The following FAM227B variants were observed in gnomAD, a reference collection of about 807,000 sequenced individuals.
The protein encoded by FAM227B is protein FAM227B.
Under a neutral mutation model 73.8 loss-of-function variants are expected in FAM227B, and 88 were observed. That is an observed-to-expected ratio of 1.19 (90% CI 1.00 to 1.42). The LOEUF (loss-of-function observed/expected upper bound fraction) is 1.42. FAM227B is among the 40% of genes most tolerant of loss of function. The pLI is 0.00. For missense variants in FAM227B, 632 were observed against 590.9 expected, an observed-to-expected ratio of 1.07 and a Z score of -0.72; for synonymous variants, 210 against 190.5, an observed-to-expected ratio of 1.10 and a Z score of -0.84.
Position 49,546,739 on chromosome 15 carries a change from A to G in FAM227B, c.748-4933T>C, listed in dbSNP as rs529551325. On this transcript the variant is annotated intron_variant, in intron 9 of 15. Coordinates refer to ENST00000299338, the MANE Select transcript of FAM227B (RefSeq NM_152647.3). ...GATGAGCAGAGAAGTTTAGAGGAAA[A>G]AGAATAAAAAGAAATAAAGCCTCCA... 3.8e-5 allele frequency among the ~76,000 whole-genome samples: 3 copies of G among 78,446 alleles called. No homozygotes were observed. The East Asian group carries it at 3.5e-3, about 91-fold the overall frequency. 51.5% of individuals were successfully genotyped at this position (78,446 alleles called of 152,430 possible). A position where few individuals can be genotyped will look rare whatever the true frequency, so the allele number is the denominator to read the frequency against.
intron 11 of FAM227B, among the ~76,000 whole-genome samples, chr15:49,501,377 A>G (rs1368397442): frequency 6.6e-6 from 1 of 152,232 alleles, no homozygotes; most frequent in Non-Finnish European, 1.5e-5. Context: ...AACTGGAGCA[A>G]AGGTCATCTG....
At position 49,364,852 on chromosome 15, in the gene FAM227B, A is replaced by AT. The variant is rs555116055; in HGVS notation, c.1271+2595dup. Among the ~76,000 whole-genome samples the AT allele has an allele frequency of 1.3e-3, 199 of 148,436 alleles. No homozygotes were observed. In the South Asian group the frequency reaches 0.016, roughly 12 times the overall value. ...AAAAAGCATAGGGATGGGTCAAGGCATTTTTTTTTTTAAGAAAAATATACT... is the reference window on the plus strand; with the variant it reads ...AAAAAGCATAGGGATGGGTCAAGGCATTTTTTTTTTTTAAGAAAAATATACT... On this transcript the variant is annotated intron_variant, in intron 13 of 15. Coordinates refer to ENST00000299338, the MANE Select transcript of FAM227B (RefSeq NM_152647.3).
At chr15:49,619,249 G>A (rs2078498516) in intron 1 of FAM227B, among the ~76,000 whole-genome samples, 1 of 152,090 alleles carries the variant, frequency 6.6e-6, no homozygotes, top group Admixed American at 6.6e-5. Flanking sequence ...TTTAAAACAT[G>A]GACAAGAAAT....
intron 8 of FAM227B, among the ~76,000 whole-genome samples, chr15:49,574,418 C>T (rs1030348607): frequency 1.3e-5 from 2 of 152,062 alleles, no homozygotes; most frequent in African/African-American, 2.4e-5. Flanking sequence ...ACGATGTTCT[C>T]GTAATAGTCA....
intron 11 of FAM227B, chr15:49,483,116 G>A (rs372450880): frequency 1.6e-5 from 19 of 1,163,168 alleles, no homozygotes; most frequent in African/African-American, 7.5e-5. Flanking sequence ...AAAACTGAAC[G>A]AATATTTGAC....
chr15:49,327,952 G>A lies in FAM227B; in HGVS notation c.*616C>T. The A allele has an allele frequency of 6.2e-7, 1 of 1,606,154 alleles. No homozygotes were observed. The highest frequency in any genetic ancestry group is 1.7e-5 in the Admixed American group (1 of 59,274). ...AATATTTTTTTCCTCACTGTTTTAG[G>A]AAGTTTGGGGCTCAAGGGTCACGAC... is the stretch of plus-strand genomic sequence containing the variant. On this transcript the variant is annotated 3_prime_UTR_variant, in exon 16 of 16. Coordinates refer to ENST00000299338, the MANE Select transcript of FAM227B (RefSeq NM_152647.3).
At chr15:49,585,758 T>G (rs10163097) in intron 5 of FAM227B, among the ~76,000 whole-genome samples, 9,460 of 152,154 alleles carry the variant, frequency 0.062, 1,041 homozygotes, top group African/African-American at 0.22. Flanking sequence ...CGAGTTAATG[T>G]GTGCAACACA....
At chr15:49,547,596 A>C (rs920870948) in intron 9 of FAM227B, among the ~76,000 whole-genome samples, 2 of 152,236 alleles carry the variant, frequency 1.3e-5, no homozygotes, top group East Asian at 1.9e-4. Flanking sequence ...TCTACCAAGC[A>C]AATGGAAAAC....
chr15:49,396,680 TCCCTGAC>T (rs1289529337), intron 11 of FAM227B, among the ~76,000 whole-genome samples: 5 of 151,270 alleles, frequency 3.3e-5, no homozygotes, highest in Admixed American at 1.3e-4. Flanking sequence ...CTCAAGTGGG[TCCCTGAC>T]CCCTGACCCC....
intron 11 of FAM227B, among the ~76,000 whole-genome samples, chr15:49,407,427 CTT>C (rs1285041189): frequency 2.6e-5 from 4 of 152,050 alleles, no homozygotes; most frequent in Non-Finnish European, 5.9e-5. Flanking sequence ...TGTGACCACA[CTT>C]GGTGCCTTCC....
chr15:49,530,545 T>C (rs2060531601), intron 10 of FAM227B, among the ~76,000 whole-genome samples: 2 of 151,952 alleles, frequency 1.3e-5, no homozygotes, highest in South Asian at 2.1e-4. Context: ...AAAGTTAACA[T>C]TTTTTGAGAT....
At chr15:49,564,100 C>A (rs2074458196) in intron 9 of FAM227B, among the ~76,000 whole-genome samples, 2 of 152,022 alleles carry the variant, frequency 1.3e-5, no homozygotes, top group Admixed American at 1.3e-4. Context: ...CCAACAAAGG[C>A]CCAATATCCA....
chr15:49,443,163 T>G (rs900707245), intron 11 of FAM227B, among the ~76,000 whole-genome samples: 1 of 151,730 alleles, frequency 6.6e-6, no homozygotes, highest in East Asian at 1.9e-4. Flanking sequence ...TTCAAAAATT[T>G]TGTTAACTTA....
At chr15:49,455,204 C>T (rs1162234996) in intron 11 of FAM227B, among the ~76,000 whole-genome samples, 1 of 152,148 alleles carries the variant, frequency 6.6e-6, no homozygotes, top group Non-Finnish European at 1.5e-5. Flanking sequence ...TGGTGATATT[C>T]CTGTTCACCT....
intron 13 of FAM227B, among the ~76,000 whole-genome samples, chr15:49,364,010 C>T (rs1358602663): frequency 2.6e-5 from 4 of 151,940 alleles, no homozygotes; most frequent in African/African-American, 7.2e-5. Context: ...TGCTGGATTC[C>T]GTTCGCTAGT....
chr15:49,385,187 CCA>C (rs2046803030), intron 11 of FAM227B, among the ~76,000 whole-genome samples: 1 of 151,844 alleles, frequency 6.6e-6, no homozygotes. Flanking sequence ...GGATCTAACT[CCA>C]TCTTGACCAA....
intron 13 of FAM227B, among the ~76,000 whole-genome samples, chr15:49,355,667 C>A (rs1596462721): frequency 6.6e-6 from 1 of 151,978 alleles, no homozygotes; most frequent in East Asian, 1.9e-4. Flanking sequence ...AAACACTCTG[C>A]AGGATATTAT....
intron 11 of FAM227B, among the ~76,000 whole-genome samples, chr15:49,406,320 C>T (rs1032404909): frequency 1.3e-5 from 2 of 152,114 alleles, no homozygotes; most frequent in Non-Finnish European, 2.9e-5. Flanking sequence ...TTCCTGTTTT[C>T]ATATGGGCAT....
intron 5 of FAM227B, among the ~76,000 whole-genome samples, chr15:49,582,378 G>C (rs565426173): frequency 1.3e-5 from 2 of 152,004 alleles, no homozygotes; most frequent in Non-Finnish European, 2.9e-5. Flanking sequence ...AATCAAAAAA[G>C]ACAAGGGAAT....
Sources: gnomAD v4.1 joint callset for allele counts (sites outside exome capture counted in the v4.1 genomes callset) on GRCh38, gnomAD v4.1.1 for gene constraint, MANE v1.5 for transcripts, NCBI Gene and HGNC (gene_info 2026-07-23, HGNC 2026-07-21) for gene names.